The following CEP43 variants were observed in gnomAD, a reference collection of about 807,000 sequenced individuals.
The protein encoded by CEP43 is centrosomal protein 43.
CEP43 carries 36 observed loss-of-function variants against 52.6 expected under a neutral mutation model. The observed-to-expected ratio is 0.68, with a 90% CI of 0.52 to 0.90. The LOEUF is 0.90. Among genes scored for constraint, CEP43 ranks in the 40% least tolerant of loss-of-function variants. The probability of loss-of-function intolerance (pLI) is 0.00; values close to 1 mark genes in which losing one functional copy is unlikely to be tolerated. For missense variants in CEP43, 506 were observed against 472.8 expected, an observed-to-expected ratio of 1.07 and a Z score of -0.65; for synonymous variants, 192 against 172.4, an observed-to-expected ratio of 1.11 and a Z score of -0.89.
intron 7 of CEP43, among the ~76,000 whole-genome samples, chr6:167,019,295 ACACGCG>A (rs1272005306): frequency 0.019 from 2,869 of 151,150 alleles, 48 homozygotes; most frequent in East Asian, 0.093. Context: ...CCTGCTGTGC[ACACGCG>A]TACACCTGCT....
chr6:167,005,814 G>C (rs1057188662), intron 5 of CEP43, among the ~76,000 whole-genome samples: 5 of 152,152 alleles, frequency 3.3e-5, no homozygotes, highest in African/African-American at 1.2e-4. Flanking sequence ...TCCCCTCTCG[G>C]CTTCTGTGGC....
Position 167,040,569 on chromosome 6 carries a change from G to GC in CEP43, c.*591_*592insC. The GC allele has an allele frequency of 9.4e-7, 1 of 1,066,830 alleles. No individual in the cohort carries two copies. Among genetic ancestry groups the GC allele is most frequent in the Non-Finnish European group, 1.1e-6 (1 of 877,608 alleles). 66.1% of individuals were successfully genotyped at this position (1,066,830 alleles called of 1,614,324 possible). On this transcript the variant is annotated 3_prime_UTR_variant, in exon 13 of 13. Transcript: ENST00000366847. ...ATTAAGGTTATATTAAAGTACTCTT[G>GC]TGTGTGCTATTTAGTTTTGCTTGTT...
Position 167,049,069 on chromosome 6 carries a change from A to G in CEP43, c.*9091A>G, listed in dbSNP as rs1416592048. On this transcript the variant is annotated 3_prime_UTR_variant, in exon 13 of 13. Coordinates refer to ENST00000366847, the MANE Select transcript of CEP43 (RefSeq NM_007045.4). ...AATCATTGTCCTATGGAAAAGTCAT[A>G]TAGAACGTTTGCTGTTTAATGTAGC... is the stretch of plus-strand genomic sequence containing the variant. 6.6e-6 allele frequency: 1 copy of G among 152,234 alleles called. No homozygotes were observed. The highest frequency in any genetic ancestry group is 2.1e-4 in the South Asian group (1 of 4,836). 9.4% of individuals were successfully genotyped at this position (152,234 alleles called of 1,614,324 possible).
chr6:167,041,607 G>T lies in CEP43; in HGVS notation c.*1629G>T, dbSNP rs1196684617. The T allele has an allele frequency of 1.2e-5, 13 of 1,044,404 alleles. No individual in the cohort carries two copies. The highest frequency in any genetic ancestry group is 4.3e-4 in the Middle Eastern group (1 of 2,316). 64.7% of individuals were successfully genotyped at this position (1,044,404 alleles called of 1,614,324 possible). On this transcript the variant is annotated 3_prime_UTR_variant, in exon 13 of 13. Transcript: ENST00000366847. ...CCCCTGGAATCTGGATCACATGTAT[G>T]ATTTATTTTTAATATTTGATAGGAA...
intron 11 of CEP43, among the ~76,000 whole-genome samples, chr6:167,033,099 C>T (rs1033060907): frequency 1.3e-3 from 89 of 68,324 alleles, no homozygotes; most frequent in African/African-American, 3.9e-3. Flanking sequence ...TTGCCATTCT[C>T]TTTTTTTTTT....
At chr6:167,020,391 T>TA (rs1780199048) in intron 7 of CEP43, among the ~76,000 whole-genome samples, 3 of 152,248 alleles carry the variant, frequency 2.0e-5, no homozygotes, top group Admixed American at 2.0e-4. Context: ...AAGACATGCA[T>TA]AATGCATTCT....
chr6:167,035,858 C>T (rs545656363), intron 12 of CEP43, among the ~76,000 whole-genome samples: 214 of 152,264 alleles, frequency 1.4e-3, no homozygotes, highest in Middle Eastern at 6.8e-3. Flanking sequence ...TGAGCCACCG[C>T]GCCCAGCAAG....
intron 6 of CEP43, among the ~76,000 whole-genome samples, chr6:167,013,253 C>T (rs1780023604): frequency 6.6e-6 from 1 of 152,178 alleles, no homozygotes; most frequent in Non-Finnish European, 1.5e-5. Context: ...TGATTCTCCA[C>T]CCAGTAGAAG....
intron 7 of CEP43, among the ~76,000 whole-genome samples, chr6:167,017,195 C>T (rs964023336): frequency 6.6e-6 from 1 of 151,954 alleles, no homozygotes; most frequent in Non-Finnish European, 1.5e-5. Flanking sequence ...CGGGGTTTCA[C>T]TGTGTTAGCT....
chr6:167,004,474 A>G (rs1779807603), intron 5 of CEP43, 73 bp downstream of exon 5: 1 of 1,264,858 alleles, frequency 7.9e-7, no homozygotes, highest in South Asian at 2.0e-5. Context: ...AGATTAGTGC[A>G]TATATAGTAA....
chr6:167,020,962 G>A lies in CEP43; in HGVS notation c.580-1447G>A, dbSNP rs1780216886. On this transcript the variant is annotated intron_variant, in intron 7 of 12. Transcript: ENST00000366847. ...ATACGACTGGGTGTAGTTTGTGCTT[G>A]TAATCCCATAAACCCAGCTACTTGG... Among the ~76,000 whole-genome samples, 3 of 146,128 alleles carry A rather than the reference G, an allele frequency of 2.1e-5. No individual in the cohort carries two copies. The South Asian group carries it at 6.6e-4, about 32-fold the overall frequency.
At chr6:167,004,160 CTT>C in intron 4 of CEP43, 102 bp from the exon 5 acceptor site, 1 of 1,226,072 alleles carries the variant, frequency 8.2e-7, no homozygotes, top group Non-Finnish European at 1.1e-6. Flanking sequence ...AAGACAGTCT[CTT>C]TGAGTTTAAA....
intron 7 of CEP43, among the ~76,000 whole-genome samples, chr6:167,020,299 A>G (rs1031990698): frequency 2.0e-5 from 3 of 152,192 alleles, no homozygotes; most frequent in Admixed American, 6.5e-5. Flanking sequence ...CTAGAAGGCA[A>G]TAAAATTTGC....
Position 167,045,359 on chromosome 6 carries a change from G to GCT in CEP43, c.*5382_*5383insTC, listed in dbSNP as rs1554277467. The GCT allele has an allele frequency of 7.0e-6, 1 of 143,186 alleles. No individual in the cohort carries two copies. The highest frequency in any genetic ancestry group is 2.3e-4 in the South Asian group (1 of 4,284). 8.9% of individuals were successfully genotyped at this position (143,186 alleles called of 1,614,324 possible). A position where few individuals can be genotyped will look rare whatever the true frequency, so the allele number is the denominator to read the frequency against. On this transcript the variant is annotated 3_prime_UTR_variant, in exon 13 of 13. Transcript: ENST00000366847. The stretch of plus-strand genomic sequence containing the variant: ...CCTATGGTGATCCGCACCCCTCCCC[G>GCT]CCCCCCCCGCGGCCCAGCCTCCCAA...
At chr6:167,031,780 A>C in intron 10 of CEP43, among the ~76,000 whole-genome samples, 1 of 152,154 alleles carries the variant, frequency 6.6e-6, no homozygotes, top group Non-Finnish European at 1.5e-5. Context: ...TGAGGCTGAC[A>C]ACTCTTTTTC....
rs995086986 is a variant in CEP43, at chr6:167,040,343, C to T, written c.*365C>T. On this transcript the variant is annotated 3_prime_UTR_variant, in exon 13 of 13. Transcript: ENST00000366847. ...CCCTTTGTGTGTGTGGCTGCTGGTA[C>T]GTGTGATCTTTGAAAACCTTGGCTT... 2.0e-4 allele frequency: 287 copies of T among 1,406,110 alleles called. 1 individual carries two copies. The highest frequency in any genetic ancestry group is 1.1e-4 in the South Asian group (7 of 64,186). The allele number at this position is 1,406,110 out of a possible 1,614,324, so 87.1% of individuals were successfully genotyped here. A position where few individuals can be genotyped will look rare whatever the true frequency, so the allele number is the denominator to read the frequency against.
intron 9 of CEP43, among the ~76,000 whole-genome samples, chr6:167,025,663 A>G (rs1780338320): frequency 6.6e-6 from 1 of 152,206 alleles, no homozygotes; most frequent in Non-Finnish European, 1.5e-5. Flanking sequence ...GGGACTTCCT[A>G]GGGCACATAA....
intron 11 of CEP43, among the ~76,000 whole-genome samples, chr6:167,033,564 A>G (rs1362216584): frequency 2.0e-5 from 3 of 152,042 alleles, no homozygotes; most frequent in African/African-American, 7.2e-5. Flanking sequence ...ATAATTTATT[A>G]TACAGTTTTT....
rs547362966 is a variant in CEP43, at chr6:167,030,717, T to C, written c.989-1886T>C. Among the ~76,000 whole-genome samples the C allele has an allele frequency of 3.9e-5, 6 of 152,342 alleles. No individual in the cohort carries two copies. The South Asian group carries it at 8.3e-4, about 21-fold the overall frequency. ...CCCCTGTTCTCTTTGGCCTGGACTT[T>C]CTGACAGCCTTCTGCTTTCCTTACT... On this transcript the variant is annotated intron_variant, in intron 10 of 12. Transcript: ENST00000366847.
Sources: allele counts gnomAD v4.1 joint callset (sites outside exome capture counted in the v4.1 genomes callset), GRCh38; gene constraint gnomAD v4.1.1; transcripts MANE v1.5; gene names NCBI Gene and HGNC (gene_info 2026-07-23, HGNC 2026-07-21).